The following HS3ST4 variants were observed in gnomAD, a reference collection of about 807,000 sequenced individuals.
HS3ST4 encodes the protein heparan sulfate-glucosamine 3-sulfotransferase 4.
HS3ST4 carries 17 observed loss-of-function variants against 29.2 expected under a neutral mutation model. That is an observed-to-expected ratio of 0.58 (90% confidence interval 0.40 to 0.87). The LOEUF is 0.87. Among genes scored for constraint, HS3ST4 ranks in the 40% least tolerant of loss-of-function variants. The pLI is 0.00. For missense variants in HS3ST4, 627 were observed against 634.5 expected (o/e 0.99, Z 0.13); for synonymous variants, 314 against 285.7 (o/e 1.10, Z -1.00).
chr16:25,872,067 C>G (rs1444391486), intron 1 of HS3ST4, among the ~76,000 whole-genome samples: 3 of 152,156 alleles, frequency 2.0e-5, no homozygotes, highest in African/African-American at 7.2e-5. Context: ...ATCTTACCTT[C>G]CACTTTGTTT....
intron 1 of HS3ST4, among the ~76,000 whole-genome samples, chr16:25,725,412 A>C (rs11649309): frequency 0.46 from 69,649 of 152,024 alleles, 18,312 homozygotes; most frequent in Middle Eastern, 0.61. Context: ...CCAAAAGTAC[A>C]TAGAGAAAAA....
chr16:25,954,590 T>C (rs938680423), intron 1 of HS3ST4, among the ~76,000 whole-genome samples: 5 of 152,228 alleles, frequency 3.3e-5, no homozygotes, highest in Non-Finnish European at 7.3e-5. Context: ...CACTATGTTA[T>C]AGTGAAAATT....
intron 1 of HS3ST4, among the ~76,000 whole-genome samples, chr16:25,817,604 GT>G (rs1967106962): frequency 6.6e-6 from 1 of 152,180 alleles, no homozygotes; most frequent in Non-Finnish European, 1.5e-5. Context: ...AAGAGAGAAA[GT>G]ATAACGTGGC....
At chr16:25,892,572 T>A (rs565274352) in intron 1 of HS3ST4, among the ~76,000 whole-genome samples, 2 of 152,286 alleles carry the variant, frequency 1.3e-5, no homozygotes, top group East Asian at 3.9e-4. Flanking sequence ...TGGGCTCCAC[T>A]GCCTGGTATC....
intron 1 of HS3ST4, among the ~76,000 whole-genome samples, chr16:25,695,482 C>T (rs528640147): frequency 3.3e-5 from 5 of 152,312 alleles, no homozygotes; most frequent in African/African-American, 9.6e-5. Context: ...CCACAGACAG[C>T]GGTGCTTTGA....
At chr16:25,750,755 C>T (rs1966713463) in intron 1 of HS3ST4, among the ~76,000 whole-genome samples, 1 of 152,146 alleles carries the variant, frequency 6.6e-6, no homozygotes, top group African/African-American at 2.4e-5. Context: ...AACGTGTATG[C>T]CTGCATAGTA....
chr16:26,007,753 C>T (rs1354403978), intron 1 of HS3ST4, among the ~76,000 whole-genome samples: 2 of 152,182 alleles, frequency 1.3e-5, no homozygotes, highest in African/African-American at 2.4e-5. Context: ...TTTTCCTGAA[C>T]TATTTTAGTA....
chr16:26,090,354 A>C (rs1333440922), intron 1 of HS3ST4, among the ~76,000 whole-genome samples: 2 of 151,980 alleles, frequency 1.3e-5, no homozygotes, highest in Non-Finnish European at 2.9e-5. Flanking sequence ...AGAAGTCACT[A>C]ATCATTGAGC....
At chr16:25,896,408 T>C (rs115360973) in intron 1 of HS3ST4, among the ~76,000 whole-genome samples, 4,066 of 152,214 alleles carry the variant, frequency 0.027, 191 homozygotes, top group African/African-American at 0.094. Context: ...TGGTCTTCAT[T>C]ATAAATCATC....
At chr16:25,873,344 A>C (rs551227855) in intron 1 of HS3ST4, among the ~76,000 whole-genome samples, 1 of 145,296 alleles carries the variant, frequency 6.9e-6, no homozygotes, top group Admixed American at 6.8e-5. Context: ...CCTTTCATCC[A>C]TCTATCCATC....
intron 1 of HS3ST4, among the ~76,000 whole-genome samples, chr16:25,796,119 C>T (rs908941967): frequency 4.6e-5 from 7 of 152,102 alleles, no homozygotes; most frequent in African/African-American, 1.2e-4. Flanking sequence ...GCCCTGAACC[C>T]GTTTACTTTG....
intron 1 of HS3ST4, among the ~76,000 whole-genome samples, chr16:25,782,573 C>G (rs1304644181): frequency 1.3e-5 from 2 of 152,148 alleles, no homozygotes; most frequent in Non-Finnish European, 2.9e-5. Flanking sequence ...CCCTCTGTAT[C>G]TGTTTACCAA....
intron 1 of HS3ST4, among the ~76,000 whole-genome samples, chr16:25,697,690 A>G (rs1187665978): frequency 6.6e-6 from 1 of 151,824 alleles, no homozygotes; most frequent in African/African-American, 2.4e-5. Flanking sequence ...GGGAGTCCAC[A>G]TTTCGTCTTT....
chr16:25,847,452 A>T (rs1967477716), intron 1 of HS3ST4, among the ~76,000 whole-genome samples: 2 of 152,236 alleles, frequency 1.3e-5, no homozygotes, highest in South Asian at 4.1e-4. Flanking sequence ...ACAGTTTGTG[A>T]CTTTCTTTAC....
intron 1 of HS3ST4, among the ~76,000 whole-genome samples, chr16:25,787,272 G>A (rs1567239736): frequency 1.3e-5 from 2 of 152,228 alleles, no homozygotes; most frequent in African/African-American, 4.8e-5. Flanking sequence ...TAGCAACAGT[G>A]TAAGTATTGC....
chr16:25,969,132 A>G (rs1002091794), intron 1 of HS3ST4, among the ~76,000 whole-genome samples: 3 of 152,184 alleles, frequency 2.0e-5, no homozygotes, highest in African/African-American at 4.8e-5. Flanking sequence ...AAAGGTTTCA[A>G]TTGTCACTAC....
At chr16:25,880,840 T>C (rs935569665) in intron 1 of HS3ST4, among the ~76,000 whole-genome samples, 11 of 152,188 alleles carry the variant, frequency 7.2e-5, no homozygotes, top group African/African-American at 2.7e-4. Context: ...AAATAAAGAG[T>C]ATGACTCCAG....
At chr16:25,859,048 C>A (rs1445370452) in intron 1 of HS3ST4, among the ~76,000 whole-genome samples, 2 of 151,984 alleles carry the variant, frequency 1.3e-5, no homozygotes, top group African/African-American at 2.4e-5. Flanking sequence ...CCCCACACGT[C>A]CTTGGGTTTT....
At position 25,913,996 on chromosome 16, in the gene HS3ST4, G is replaced by C. The variant is rs562516604; in HGVS notation, c.734+220845G>C. Among the ~76,000 whole-genome samples, 288 of 149,176 alleles carry C rather than the reference G, an allele frequency of 1.9e-3. 5 individuals carry two copies. The highest frequency in any genetic ancestry group is 4.0e-4 in the East Asian group (2 of 5,008). ...TGTGTATGTGGTGTGTGTGTGCAGG[G>C]AGGTGTATGTGTGTGTATGTGGATG... is the stretch of plus-strand genomic sequence containing the variant. On this transcript the variant is annotated intron_variant, in intron 1 of 1. Transcript: ENST00000331351.
Sources: allele counts gnomAD v4.1 joint callset (sites outside exome capture counted in the v4.1 genomes callset), GRCh38; gene constraint gnomAD v4.1.1; transcripts MANE v1.5; gene names NCBI Gene and HGNC (gene_info 2026-07-23, HGNC 2026-07-21).